Variants in AKT1 observed in about 807,000 individuals in gnomAD.
AKT1 encodes the protein RAC-alpha serine/threonine-protein kinase.
AKT1 carries 21 observed loss-of-function variants against 63.1 expected under a neutral mutation model. That is an observed-to-expected ratio of 0.33 (90% confidence interval 0.24 to 0.48). The LOEUF (loss-of-function observed/expected upper bound fraction) is 0.48. Among genes scored for constraint, AKT1 ranks in the 20% least tolerant of loss-of-function variants. The pLI is 0.99. For synonymous variants in AKT1, 257 were observed against 253.1 expected (o/e 1.02, Z -0.15); for missense variants, 382 against 666.0 (o/e 0.57, Z 4.69).
rs1323976653 is a variant in AKT1 at position 104,790,313 on chromosome 14, C to T, written c.46+2285G>A. ...GGAACAGGGCGTCTGCAAGGGGCTG[C>T]GGCCGGGCCTGGAGGACAGTCACTG... is the stretch of plus-strand genomic sequence containing the variant. On this transcript the variant is annotated intron_variant, in intron 3 of 14. Transcript: ENST00000649815. Among the ~76,000 whole-genome samples the T allele has an allele frequency of 9.2e-5, 14 of 152,318 alleles. No individual in the cohort carries two copies. In the East Asian group the frequency reaches 2.3e-3, roughly 25 times the overall value.
intron 12 of AKT1, 88 bp from the exon 13 acceptor site, chr14:104,772,540 C>G (rs539942849): frequency 1.5e-6 from 2 of 1,351,482 alleles, no homozygotes; most frequent in Non-Finnish European, 2.1e-6. Context: ...ATGTAGGGCC[C>G]GCCAGACAGG....
chr14:104,776,794 C>T (rs2140931495), intron 4 of AKT1, 24 bp from the exon 5 acceptor site: 1 of 1,602,642 alleles, frequency 6.2e-7, no homozygotes. Flanking sequence ...GAGCCTCTGT[C>T]TGCGTGCATC....
At chr14:104,779,907 G>A (rs1383527668) in intron 4 of AKT1, among the ~76,000 whole-genome samples, 181 bp downstream of exon 4, 9 of 134,846 alleles carry the variant, frequency 6.7e-5, no homozygotes, top group African/African-American at 8.4e-5. Context: ...GACTCAGCCC[G>A]GAGACCCCTG....
At chr14:104,784,778 G>A (rs1055991315) in intron 3 of AKT1, among the ~76,000 whole-genome samples, 2 of 152,134 alleles carry the variant, frequency 1.3e-5, no homozygotes, top group Non-Finnish European at 2.9e-5. Context: ...CACCCACTTA[G>A]ACATGGGGGC....
chr14:104,777,957 C>G (rs946357668), intron 4 of AKT1: 1 of 153,124 alleles, frequency 6.5e-6, no homozygotes, highest in Non-Finnish European at 1.5e-5. Flanking sequence ...TATGCAATCC[C>G]CAGGGCCAGA....
rs573418247 is a variant in AKT1, at chr14:104,769,941, A to T, written c.*400T>A. The T allele has an allele frequency of 2.6e-3, 1,055 of 411,600 alleles. 3 individuals carry two copies. The highest frequency in any genetic ancestry group is 4.0e-3 in the Non-Finnish European group (886 of 221,890). 25.5% of individuals were successfully genotyped at this position (411,600 alleles called of 1,614,324 possible). ...TGAACTGAGGCCCAGGGCCCCAGAG[A>T]GATGACAGATAGCTGGTGACAGACA... is the stretch of plus-strand genomic sequence containing the variant. On this transcript the variant is annotated 3_prime_UTR_variant, in exon 15 of 15. Transcript: ENST00000649815.
At chr14:104,792,745 A>T (rs1893693463) in intron 2 of AKT1, 23 bp from the exon 3 acceptor site, 1 of 1,441,372 alleles carries the variant, frequency 6.9e-7, no homozygotes, top group Non-Finnish European at 9.6e-7. Flanking sequence ...AAGGAAGCTG[A>T]ATGTGAGGCC....
intron 14 of AKT1, 154 bp from the exon 15 acceptor site, chr14:104,770,574 A>G (rs568038730): frequency 1.1e-6 from 1 of 930,622 alleles, no homozygotes; most frequent in East Asian, 2.6e-5. Context: ...TGACACAGGG[A>G]CCTGGGCCCT....
intron 3 of AKT1, among the ~76,000 whole-genome samples, chr14:104,789,203 T>C (rs1028566470): frequency 2.8e-4 from 42 of 152,310 alleles, no homozygotes; most frequent in Non-Finnish European, 5.1e-4. Flanking sequence ...GGCCCAGCCC[T>C]TTCTCGAGAG....
At chr14:104,776,152 G>C (rs1249706450) in intron 5 of AKT1, 3 of 242,666 alleles carry the variant, frequency 1.2e-5, no homozygotes, top group African/African-American at 6.8e-5. Context: ...TCTCCACCGG[G>C]TTTTTCTTTT....
intron 5 of AKT1, 62 bp downstream of exon 5, chr14:104,776,597 C>T (rs1325225899): frequency 3.1e-5 from 45 of 1,448,842 alleles, no homozygotes; most frequent in Middle Eastern, 1.8e-4. Context: ...CCGCCATCCC[C>T]GTGTCCCTCC....
At chr14:104,775,929 G>A (rs1892677378) in intron 5 of AKT1, 130 bp from the exon 6 acceptor site, 3 of 1,136,922 alleles carry the variant, frequency 2.6e-6, no homozygotes, top group Non-Finnish European at 3.7e-6. Context: ...GCCCTGAGGA[G>A]GCCACCACTT....
Position 104,773,329 on chromosome 14 carries a change from G to A in AKT1, c.879C>T (p.Phe293=), listed in dbSNP as rs139200289. The A allele has an allele frequency of 1.7e-5, 27 of 1,614,184 alleles. No individual in the cohort carries two copies. Among genetic ancestry groups the A allele is most frequent in the African/African-American group, 9.3e-5 (7 of 75,052 alleles). The change falls in exon 11 of 15, where the codon TTC becomes TTT. Residue 293 remains phenylalanine (F), a synonymous_variant. Transcript: ENST00000649815. ...DKDGHIKITD[F]GLCKEGIKDG... ...CCTTGATCCCCTCCTTGCACAGCCC[G>A]AAGTCTGTGATCTTAATGTGCCCGT... is the stretch of plus-strand genomic sequence containing the variant.
At chr14:104,773,747 A>T in intron 9 of AKT1, 165 bp downstream of exon 9, 3 of 1,232,890 alleles carry the variant, frequency 2.4e-6, no homozygotes, top group African/African-American at 1.5e-5. Flanking sequence ...CAGCAGGAAC[A>T]AGTCACCCCA....
intron 8 of AKT1, chr14:104,774,226 C>G (rs1249826956): frequency 3.6e-6 from 2 of 555,566 alleles, no homozygotes; most frequent in Admixed American, 5.8e-5. Flanking sequence ...CCATGCCACG[C>G]TGCCCCACAC....
At chr14:104,777,485 TCTGGGGCACACGAACAC>T (rs1488901303) in intron 4 of AKT1, 1 of 872,260 alleles carries the variant, frequency 1.1e-6, no homozygotes. Flanking sequence ...CCTAGCCACA[TCTGGGGCACACGAACAC>T]CTGGGGCACA....
chr14:104,783,189 G>C (rs372454497), intron 3 of AKT1, among the ~76,000 whole-genome samples: 1 of 152,122 alleles, frequency 6.6e-6, no homozygotes, highest in African/African-American at 2.4e-5. Flanking sequence ...CTCACACAAA[G>C]AGACCAACCC....
At chr14:104,780,269 G>T (rs865785932) in intron 3 of AKT1, 53 bp from the exon 4 acceptor site, 2 of 1,588,894 alleles carry the variant, frequency 1.3e-6, no homozygotes, top group Middle Eastern at 3.4e-4. Flanking sequence ...TCAGACCCTC[G>T]CCAGGCAGCC....
intron 3 of AKT1, among the ~76,000 whole-genome samples, chr14:104,785,273 C>T (rs897045004): frequency 3.9e-5 from 6 of 152,184 alleles, no homozygotes; most frequent in Non-Finnish European, 8.8e-5. Context: ...GGCCTCTGCC[C>T]GGGCCCGGGA....
Sources: gnomAD v4.1 joint callset for allele counts (sites outside exome capture counted in the v4.1 genomes callset) on GRCh38, gnomAD v4.1.1 for gene constraint, MANE v1.5 for transcripts, NCBI Gene and HGNC (gene_info 2026-07-23, HGNC 2026-07-21) for gene names.